Variants in SOX5 observed in about 807,000 individuals in gnomAD.
The protein encoded by SOX5 is transcription factor SOX-5.
SOX5 carries 9 observed loss-of-function variants against 92.0 expected under a neutral mutation model. The observed-to-expected ratio is 0.10, with a 90% confidence interval of 0.06 to 0.17. The LOEUF (loss-of-function observed/expected upper bound fraction) is 0.17, where lower values mean the gene tolerates loss of function less well. SOX5 is among the 10% of genes least tolerant of loss of function. The probability of loss-of-function intolerance (pLI) is 1.00; values close to 1 mark genes in which losing one functional copy is unlikely to be tolerated. For missense variants in SOX5, 642 were observed against 944.5 expected, an observed-to-expected ratio of 0.68 and a Z score of 4.20; for synonymous variants, 344 against 336.3, an observed-to-expected ratio of 1.02 and a Z score of -0.25.
intron 4 of SOX5, among the ~76,000 whole-genome samples, chr12:24,179,448 T>C (rs1241183352): frequency 4.6e-5 from 7 of 152,232 alleles, no homozygotes; most frequent in Admixed American, 4.6e-4. Flanking sequence ...TCCCTTGAGA[T>C]GATAGGCAGT....
intron 1 of SOX5, among the ~76,000 whole-genome samples, chr12:24,418,141 C>A (rs747574312): frequency 6.6e-6 from 1 of 151,396 alleles, no homozygotes; most frequent in African/African-American, 2.4e-5. Flanking sequence ...TATTTACTCA[C>A]GTGCTACAGC....
chr12:24,477,564 G>T (rs1347208317), intron 1 of SOX5, among the ~76,000 whole-genome samples: 1 of 151,922 alleles, frequency 6.6e-6, no homozygotes. Flanking sequence ...AAATGACCTA[G>T]GTATGAGAGA....
chr12:23,793,628 T>C (rs2095514494), intron 3 of SOX5, among the ~76,000 whole-genome samples: 1 of 152,172 alleles, frequency 6.6e-6, no homozygotes. Flanking sequence ...TCATGTTGTG[T>C]GAAGATTAAG....
intron 6 of SOX5, among the ~76,000 whole-genome samples, chr12:23,711,747 G>A (rs1206034141): frequency 2.0e-5 from 3 of 152,076 alleles, no homozygotes; most frequent in Non-Finnish European, 4.4e-5. Context: ...ATATTATATT[G>A]ATAAAGTAAT....
chr12:24,310,025 T>C (rs1949016346), intron 2 of SOX5, among the ~76,000 whole-genome samples: 1 of 152,164 alleles, frequency 6.6e-6, no homozygotes, highest in African/African-American at 2.4e-5. Flanking sequence ...CTCTCGAACT[T>C]TTCAGCTTGG....
intron 4 of SOX5, among the ~76,000 whole-genome samples, chr12:23,963,877 A>G (rs1229793291): frequency 6.6e-6 from 1 of 152,058 alleles, no homozygotes; most frequent in African/African-American, 2.4e-5. Context: ...CAGGCTGCTA[A>G]TAAACCAGTT....
At chr12:24,475,185 T>C (rs1313487530) in intron 1 of SOX5, among the ~76,000 whole-genome samples, 3 of 152,208 alleles carry the variant, frequency 2.0e-5, no homozygotes, top group African/African-American at 7.2e-5. Flanking sequence ...TGTTTTGCTC[T>C]GTGTCTACTC....
chr12:24,258,357 T>C lies in SOX5; in HGVS notation c.-77+18859A>G, dbSNP rs540309849. On this transcript the variant is annotated intron_variant, in intron 3 of 4. Coordinates refer to the SOX5 transcript ENST00000446891. ...GAGCAGCAATGAAAAATGGGAATTATTGTTATCATTTTAGACGACATCATG... is the reference window on the plus strand; with the variant it reads ...GAGCAGCAATGAAAAATGGGAATTACTGTTATCATTTTAGACGACATCATG... Among the ~76,000 whole-genome samples the C allele has an allele frequency of 3.3e-5, 5 of 152,210 alleles. No individual in the cohort carries two copies. In the South Asian group the frequency reaches 6.2e-4, roughly 19 times the overall value.
intron 6 of SOX5, among the ~76,000 whole-genome samples, chr12:23,701,690 GT>G (rs2090647285): frequency 6.6e-6 from 1 of 151,922 alleles, no homozygotes; most frequent in African/African-American, 2.4e-5. Flanking sequence ...TTTTTCAGTG[GT>G]AACATTTTTT....
At chr12:24,095,940 T>C (rs139558656) in intron 4 of SOX5, among the ~76,000 whole-genome samples, 1 of 152,180 alleles carries the variant, frequency 6.6e-6, no homozygotes, top group East Asian at 1.9e-4. Context: ...TAAACTTCTT[T>C]CCTTTATAAG....
At chr12:24,450,614 C>T (rs1441653337) in intron 1 of SOX5, among the ~76,000 whole-genome samples, 1 of 152,064 alleles carries the variant, frequency 6.6e-6, no homozygotes, top group Non-Finnish European at 1.5e-5. Flanking sequence ...CCTGCCTCAG[C>T]CTCCCAAGTA....
At chr12:23,923,147 G>A (rs1938905772) in intron 1 of SOX5, among the ~76,000 whole-genome samples, 2 of 151,944 alleles carry the variant, frequency 1.3e-5, no homozygotes, top group Admixed American at 1.3e-4. Flanking sequence ...AGGTTTCACC[G>A]TGTTAGCCAG....
chr12:23,720,565 T>G (rs144709179), intron 6 of SOX5, among the ~76,000 whole-genome samples: 17 of 152,158 alleles, frequency 1.1e-4, no homozygotes, highest in African/African-American at 3.9e-4. Flanking sequence ...AACATTTTGA[T>G]CCAAAATGGG....
intron 3 of SOX5, among the ~76,000 whole-genome samples, chr12:23,796,801 C>T (rs1018752428): frequency 8.7e-5 from 13 of 149,926 alleles, no homozygotes; most frequent in African/African-American, 1.5e-4. Context: ...TATAGTGGTG[C>T]GTATATATGT....
At chr12:23,562,534 G>T (rs10842181) in intron 11 of SOX5, among the ~76,000 whole-genome samples, 30,508 of 152,078 alleles carry the variant, frequency 0.2, 3,435 homozygotes, top group Middle Eastern at 0.37. Context: ...ATTCTGTAAA[G>T]CGCACTGGGT....
intron 2 of SOX5, among the ~76,000 whole-genome samples, chr12:24,340,846 G>C (rs1952490789): frequency 6.6e-6 from 1 of 152,112 alleles, no homozygotes; most frequent in African/African-American, 2.4e-5. Context: ...TTGTCTGAAG[G>C]ATTTTTTGTT....
chr12:24,447,951 C>T (rs940150370), intron 1 of SOX5, among the ~76,000 whole-genome samples: 34 of 151,996 alleles, frequency 2.2e-4, no homozygotes, highest in African/African-American at 8.2e-4. Flanking sequence ...GTGGCCAAGG[C>T]GGGTAGATCA....
intron 1 of SOX5, among the ~76,000 whole-genome samples, chr12:24,526,125 G>A (rs1273966711): frequency 6.6e-6 from 1 of 152,128 alleles, no homozygotes; most frequent in African/African-American, 2.4e-5. Context: ...AGGATTACAG[G>A]TGTGAGACAC....
chr12:23,622,422 T>C (rs2077292956), intron 8 of SOX5, among the ~76,000 whole-genome samples: 1 of 152,142 alleles, frequency 6.6e-6, no homozygotes, highest in Non-Finnish European at 1.5e-5. Context: ...CTTTTTTATT[T>C]GGATCATCAC....
Sources: allele counts gnomAD v4.1 joint callset (sites outside exome capture counted in the v4.1 genomes callset), GRCh38; gene constraint gnomAD v4.1.1; transcripts MANE v1.5; gene names NCBI Gene and HGNC (gene_info 2026-07-23, HGNC 2026-07-21).